MACROD2: variants seen among roughly 807,000 people sequenced by gnomAD.
MACROD2 encodes mono-ADP ribosylhydrolase 2, also known as ADP-ribose glycohydrolase MACROD2.
Under a neutral mutation model 70.4 loss-of-function variants are expected in MACROD2, and 36 were observed. That is an observed-to-expected ratio of 0.51 (90% confidence interval 0.39 to 0.68). MACROD2 has a LOEUF of 0.68. Ranked by LOEUF, MACROD2 falls within the 30% of genes least tolerant of loss-of-function variation. MACROD2 has a pLI of 0.00. For missense variants in MACROD2, 496 were observed against 538.4 expected (o/e 0.92, Z 0.78); for synonymous variants, 172 against 178.8 (o/e 0.96, Z 0.30).
At chr20:14,543,323 A>G (rs2208125) in intron 4 of MACROD2, among the ~76,000 whole-genome samples, 61,236 of 152,040 alleles carry the variant, frequency 0.4, 12,932 homozygotes, top group East Asian at 0.64. Flanking sequence ...AGTTGGCACA[A>G]CATGCAATTT....
intron 5 of MACROD2, among the ~76,000 whole-genome samples, chr20:14,906,795 T>C (rs1468791881): frequency 6.6e-6 from 1 of 152,176 alleles, no homozygotes; most frequent in Non-Finnish European, 1.5e-5. Context: ...AACTGCTTCT[T>C]TGAAGTATTC....
chr20:15,716,895 A>G (rs573448133), intron 8 of MACROD2, among the ~76,000 whole-genome samples: 1 of 152,312 alleles, frequency 6.6e-6, no homozygotes, highest in African/African-American at 2.4e-5. Context: ...GAAAAGGAAA[A>G]GTAATTCTCT....
intron 8 of MACROD2, among the ~76,000 whole-genome samples, chr20:15,620,606 A>G (rs1373988709): frequency 1.3e-5 from 2 of 152,124 alleles, no homozygotes; most frequent in Non-Finnish European, 2.9e-5. Context: ...TAATTTGTTG[A>G]AGGTGGAAGA....
chr20:15,236,435 G>C (rs1408913312), intron 6 of MACROD2, among the ~76,000 whole-genome samples: 1 of 152,198 alleles, frequency 6.6e-6, no homozygotes, highest in Non-Finnish European at 1.5e-5. Context: ...GAGATGATTT[G>C]AGTTAGAGGG....
intron 6 of MACROD2, among the ~76,000 whole-genome samples, chr20:15,305,569 A>G (rs571435236): frequency 3.7e-4 from 56 of 152,094 alleles, no homozygotes; most frequent in Non-Finnish European, 7.9e-4. Flanking sequence ...GGCCTCTGGT[A>G]TCAATGGCTG....
At chr20:15,045,794 T>C (rs976012092) in intron 5 of MACROD2, among the ~76,000 whole-genome samples, 9 of 140,764 alleles carry the variant, frequency 6.4e-5, no homozygotes, top group African/African-American at 2.4e-4. Flanking sequence ...CAAATAGCTA[T>C]GAAAAATGGC....
intron 5 of MACROD2, among the ~76,000 whole-genome samples, chr20:15,117,890 G>C (rs1056142309): frequency 1.3e-5 from 2 of 152,024 alleles, no homozygotes; most frequent in Non-Finnish European, 2.9e-5. Context: ...CTCTTATTTA[G>C]CCCCAGAACC....
intron 6 of MACROD2, among the ~76,000 whole-genome samples, chr20:15,247,671 T>C (rs1455003476): frequency 1.3e-5 from 2 of 151,942 alleles, no homozygotes; most frequent in African/African-American, 4.8e-5. Context: ...GTATAGAGAG[T>C]GCACAGTTAG....
chr20:14,252,066 T>TG (rs887147102), intron 3 of MACROD2, among the ~76,000 whole-genome samples: 21 of 152,098 alleles, frequency 1.4e-4, no homozygotes, highest in South Asian at 6.2e-4. Context: ...TGTCCCACTA[T>TG]GGACACACTG....
At chr20:15,610,768 C>T (rs545111792) in intron 8 of MACROD2, among the ~76,000 whole-genome samples, 1 of 152,038 alleles carries the variant, frequency 6.6e-6, no homozygotes, top group Non-Finnish European at 1.5e-5. Context: ...GAAATATCTC[C>T]TCACCTCCAC....
chr20:15,261,664 G>A (rs572073341), intron 6 of MACROD2, among the ~76,000 whole-genome samples: 2 of 152,066 alleles, frequency 1.3e-5, no homozygotes, highest in East Asian at 3.9e-4. Context: ...GATAGAAAAG[G>A]CTTCTGTTTG....
At chr20:15,852,960 A>G (rs111309466) in intron 8 of MACROD2, among the ~76,000 whole-genome samples, 5,957 of 152,248 alleles carry the variant, frequency 0.039, 175 homozygotes, top group Middle Eastern at 0.085. Context: ...GCAGTGAGCT[A>G]TGTTTGCACC....
intron 6 of MACROD2, among the ~76,000 whole-genome samples, chr20:15,421,825 A>G (rs1230556241): frequency 6.6e-6 from 1 of 152,232 alleles, no homozygotes; most frequent in Non-Finnish European, 1.5e-5. Flanking sequence ...ACTGTGAACA[A>G]GCAAACAACT....
At chr20:16,041,874 A>C (rs1284752880) in intron 16 of MACROD2, among the ~76,000 whole-genome samples, 1 of 151,990 alleles carries the variant, frequency 6.6e-6, no homozygotes, top group Non-Finnish European at 1.5e-5. Context: ...CCCTGCACAA[A>C]GATGCTAAGG....
At chr20:14,247,595 C>G (rs1176273782) in intron 3 of MACROD2, among the ~76,000 whole-genome samples, 3 of 152,098 alleles carry the variant, frequency 2.0e-5, no homozygotes, top group Admixed American at 2.0e-4. Context: ...TCAAAATGTT[C>G]CAAAATCCAA....
chr20:14,423,976 A>G (rs1057144426), intron 3 of MACROD2, among the ~76,000 whole-genome samples: 81 of 151,752 alleles, frequency 5.3e-4, no homozygotes, highest in African/African-American at 1.8e-3. Context: ...TGGTCAGGCT[A>G]GTCTTGAACT....
In MACROD2 at chr20:14,508,657, G is replaced by A. The variant is rs78550792; in HGVS notation, c.301+15149G>A. Reference sequence around the variant, plus strand: ...TAGTAGCAATATACCTATGAACAACGTGGACAAAAATCCTTGCTCTTGTGA... The same window carrying A: ...TAGTAGCAATATACCTATGAACAACATGGACAAAAATCCTTGCTCTTGTGA... On this transcript the variant is annotated intron_variant, in intron 4 of 17. Coordinates refer to ENST00000684519, the MANE Select transcript of MACROD2 (RefSeq NM_001351661.2). Among the ~76,000 whole-genome samples the A allele has an allele frequency of 6.5e-3, 996 of 152,236 alleles. 10 individuals carry two copies. Among genetic ancestry groups the A allele is most frequent in the African/African-American group, 0.022 (906 of 41,536 alleles).
At chr20:15,167,695 A>G (rs2076395089) in intron 5 of MACROD2, among the ~76,000 whole-genome samples, 1 of 152,190 alleles carries the variant, frequency 6.6e-6, no homozygotes, top group Admixed American at 6.5e-5. Context: ...AGAAGTTCAA[A>G]GTGCAAAAAA....
chr20:15,719,319 A>C (rs2050751470), intron 8 of MACROD2, among the ~76,000 whole-genome samples: 1 of 152,208 alleles, frequency 6.6e-6, no homozygotes, highest in Non-Finnish European at 1.5e-5. Flanking sequence ...GACTCTAAGA[A>C]GGTACTGCAG....
Sources: allele counts gnomAD v4.1 joint callset (sites outside exome capture counted in the v4.1 genomes callset), GRCh38; gene constraint gnomAD v4.1.1; transcripts MANE v1.5; gene names NCBI Gene and HGNC (gene_info 2026-07-23, HGNC 2026-07-21).